SLC9A4: variants seen among roughly 807,000 people sequenced by gnomAD.
The protein encoded by SLC9A4 is solute carrier family 9 member A4.
Under a neutral mutation model 67.4 loss-of-function variants are expected in SLC9A4, and 63 were observed. The ratio of observed to expected loss-of-function variants is 0.93; its 90% CI spans 0.76 to 1.15. SLC9A4 has a LOEUF of 1.15. SLC9A4 is among the 50% of genes most tolerant of loss of function. The pLI is 0.00. For missense variants in SLC9A4, 1,089 were observed against 987.7 expected (o/e 1.10, Z -1.38); for synonymous variants, 393 against 367.2 (o/e 1.07, Z -0.80).
chr2:102,496,271 T>A (rs1244118267), intron 2 of SLC9A4, among the ~76,000 whole-genome samples: 1 of 152,082 alleles, frequency 6.6e-6, no homozygotes, highest in Admixed American at 6.5e-5. Context: ...CACATGAAAA[T>A]ATGCGCAACA....
chr2:102,525,137 C>T lies in SLC9A4; in HGVS notation c.1932C>T (p.Ser644=). Residue 644 remains serine, a synonymous_variant, in exon 10 of 12, where the codon AGC becomes AGT. Coordinates refer to ENST00000295269, the MANE Select transcript of SLC9A4 (RefSeq NM_001011552.4). ...GGGAGAGCATGAGGAAAGGTCACAGCCTGCCCTGGGGAAAGCCGGTACATT... is the reference window on the plus strand; with the variant it reads ...GGGAGAGCATGAGGAAAGGTCACAGTCTGCCCTGGGGAAAGCCGGTACATT... The part of the protein sequence containing the change: ...TLRESMRKGH[S]LPWGKPAGTK... 6.2e-7 allele frequency: 1 copy of T among 1,613,966 alleles called. No individual in the cohort carries two copies.
At chr2:102,494,221 T>C (rs1684760615) in intron 2 of SLC9A4, among the ~76,000 whole-genome samples, 1 of 151,912 alleles carries the variant, frequency 6.6e-6, no homozygotes, top group Non-Finnish European at 1.5e-5. Flanking sequence ...ATCAGTACAT[T>C]TAATGAACTG....
At chr2:102,513,328 C>G (rs527643367) in intron 7 of SLC9A4, among the ~76,000 whole-genome samples, 2 of 152,238 alleles carry the variant, frequency 1.3e-5, no homozygotes, top group African/African-American at 2.4e-5. Flanking sequence ...ACCAGCAGCC[C>G]GGAAAGCTAT....
At chr2:102,507,466 G>A (rs1685073143) in intron 4 of SLC9A4, among the ~76,000 whole-genome samples, 1 of 152,092 alleles carries the variant, frequency 6.6e-6, no homozygotes, top group South Asian at 2.1e-4. Context: ...TTTCAAGCAA[G>A]CTCTTCCACC....
At chr2:102,475,400 A>G (rs1267603422) in intron 1 of SLC9A4, among the ~76,000 whole-genome samples, 1 of 152,226 alleles carries the variant, frequency 6.6e-6, no homozygotes, top group Non-Finnish European at 1.5e-5. Context: ...TCTGAGTACC[A>G]GGAAACTCGT....
intron 2 of SLC9A4, among the ~76,000 whole-genome samples, chr2:102,494,965 A>G (rs1387815009): frequency 6.6e-6 from 1 of 152,072 alleles, no homozygotes; most frequent in Non-Finnish European, 1.5e-5. Flanking sequence ...GAGAATCTGA[A>G]TATTATCAAC....
At chr2:102,476,373 A>G (rs1183685611) in intron 1 of SLC9A4, among the ~76,000 whole-genome samples, 2 of 152,242 alleles carry the variant, frequency 1.3e-5, no homozygotes, top group Non-Finnish European at 2.9e-5. Context: ...TAAATTTTAA[A>G]TGATTGACTC....
intron 8 of SLC9A4, among the ~76,000 whole-genome samples, chr2:102,517,771 G>A (rs924975187): frequency 3.3e-5 from 5 of 152,104 alleles, no homozygotes; most frequent in South Asian, 2.1e-4. Context: ...AAAGATGAAC[G>A]TTATATTCAA....
intron 6 of SLC9A4, among the ~76,000 whole-genome samples, chr2:102,510,078 G>C (rs1685129453): frequency 6.6e-6 from 1 of 151,408 alleles, no homozygotes; most frequent in Admixed American, 6.6e-5. Flanking sequence ...CTTGCTTATA[G>C]AATTGTGAGG....
At chr2:102,487,452 T>G (rs1209258535) in intron 2 of SLC9A4, among the ~76,000 whole-genome samples, 1 of 152,156 alleles carries the variant, frequency 6.6e-6, no homozygotes, top group East Asian at 1.9e-4. Context: ...TTGTGGAGTC[T>G]AAGCCACAGA....
In SLC9A4 at chr2:102,479,127, AG is replaced by A. The variant is rs747935709; in HGVS notation, c.547del (p.Val183Ter). ...GIGLSLYLIC[Q>X]VKAFGLGDVN... ...GGCCTCTCCCTCTACCTCATCTGCCAGGTGAAGGCCTTTGGCCTGGGCGACG... is the reference window on the plus strand; with the variant it reads ...GGCCTCTCCCTCTACCTCATCTGCCAGTGAAGGCCTTTGGCCTGGGCGACG... On this transcript the variant is annotated frameshift_variant, in exon 2 of 12. Coordinates refer to ENST00000295269, the MANE Select transcript of SLC9A4 (RefSeq NM_001011552.4). LOFTEE classifies it high-confidence loss of function. 2.5e-6 allele frequency: 4 copies of A among 1,614,030 alleles called. No individual in the cohort carries two copies. Among genetic ancestry groups the A allele is most frequent in the Non-Finnish European group, 1.7e-6 (2 of 1,180,014 alleles).
intron 2 of SLC9A4, among the ~76,000 whole-genome samples, chr2:102,483,119 C>T (rs985256580): frequency 6.6e-6 from 1 of 151,378 alleles, no homozygotes; most frequent in Non-Finnish European, 1.5e-5. Context: ...TTTCAAGCTA[C>T]CGGAGTATCT....
intron 4 of SLC9A4, 98 bp from the exon 5 acceptor site, chr2:102,507,981 A>G (rs2104436447): frequency 1.8e-6 from 2 of 1,127,766 alleles, no homozygotes; most frequent in Non-Finnish European, 1.3e-6. Flanking sequence ...ATTAGGCTGC[A>G]TTGTTTGCAG....
chr2:102,500,248 G>C (rs965422651), intron 2 of SLC9A4, among the ~76,000 whole-genome samples: 1 of 152,194 alleles, frequency 6.6e-6, no homozygotes, highest in Non-Finnish European at 1.5e-5. Flanking sequence ...CCTAGGAACG[G>C]TGAGGACTGC....
At chr2:102,475,010 G>A (rs939783720) in intron 1 of SLC9A4, among the ~76,000 whole-genome samples, 2 of 152,118 alleles carry the variant, frequency 1.3e-5, no homozygotes, top group African/African-American at 4.8e-5. Context: ...CCTCCCTGTG[G>A]GTGTGGGGAC....
intron 11 of SLC9A4, among the ~76,000 whole-genome samples, chr2:102,526,914 A>G (rs928561102): frequency 2.0e-5 from 3 of 152,218 alleles, no homozygotes; most frequent in African/African-American, 4.8e-5. Context: ...ATGATTTGCT[A>G]TTAGCAAAAG....
chr2:102,505,211 GA>G (rs760037141), intron 3 of SLC9A4, 42 bp from the exon 4 acceptor site: 24 of 1,585,596 alleles, frequency 1.5e-5, no homozygotes, highest in Non-Finnish European at 1.9e-5. Context: ...TGTGGAGGGG[GA>G]AAACCTCATG....
intron 3 of SLC9A4, among the ~76,000 whole-genome samples, chr2:102,504,421 CTT>C (rs1316561563): frequency 1.3e-5 from 2 of 152,166 alleles, no homozygotes; most frequent in African/African-American, 4.8e-5. Context: ...AGCCATGGCT[CTT>C]CAGTGTGTGA....
At chr2:102,519,255 C>A (rs1685344150) in intron 8 of SLC9A4, among the ~76,000 whole-genome samples, 1 of 152,192 alleles carries the variant, frequency 6.6e-6, no homozygotes, top group Non-Finnish European at 1.5e-5. Flanking sequence ...AAATGTGATT[C>A]TGGTTTCTTC....
Sources: gnomAD v4.1 joint callset for allele counts (sites outside exome capture counted in the v4.1 genomes callset) on GRCh38, gnomAD v4.1.1 for gene constraint, MANE v1.5 for transcripts, NCBI Gene and HGNC (gene_info 2026-07-23, HGNC 2026-07-21) for gene names.